The following DIABLO variants were observed in gnomAD, a reference collection of about 807,000 sequenced individuals.
DIABLO encodes the protein diablo homolog, mitochondrial.
A neutral mutation model predicts 31.7 loss-of-function variants in DIABLO; 32 were observed. The observed-to-expected ratio is 1.01, with a 90% CI of 0.76 to 1.35. DIABLO has a LOEUF of 1.35. Among genes scored for constraint, DIABLO ranks in the 40% most tolerant of loss-of-function variants. DIABLO has a pLI of 0.00. For missense variants in DIABLO, 316 were observed against 286.4 expected, an observed-to-expected ratio of 1.10 and a Z score of -0.75; for synonymous variants, 132 against 103.2, an observed-to-expected ratio of 1.28 and a Z score of -1.69.
At chr12:122,225,927 C>T (rs1421535711) in intron 1 of DIABLO, 38 bp downstream of exon 1, 4 of 1,566,834 alleles carry the variant, frequency 2.6e-6, no homozygotes, top group East Asian at 2.4e-5. Context: ...TCGGTCCCTC[C>T]CTCTGGTCCT....
At position 122,207,954 on chromosome 12, in the gene DIABLO, C is replaced by T. The variant is rs1207376711; in HGVS notation, c.*427G>A. On this transcript the variant is annotated 3_prime_UTR_variant, in exon 6 of 6. Transcript: ENST00000464942. ...AATCGTACAAACTGGACAGGTTCCC[C>T]TCCCCCTGCCACAACTGGCATCCCA... The T allele has an allele frequency of 4.3e-6, 2 of 465,346 alleles. No individual in the cohort carries two copies. The highest frequency in any genetic ancestry group is 4.3e-6 in the Non-Finnish European group (1 of 234,932). 28.8% of individuals were successfully genotyped at this position (465,346 alleles called of 1,614,324 possible).
Position 122,216,741 on chromosome 12 carries a change from C to G in DIABLO, c.426+18G>C. On this transcript the variant is annotated intron_variant, in intron 4 of 5. Transcript: ENST00000464942. ...GGTAGGTGCACTAACACAGAAATGC[C>G]TAGAACTTTCTGCTTACCTCAGCTC... The G allele has an allele frequency of 6.2e-7, 1 of 1,610,980 alleles. No individual in the cohort carries two copies. The highest frequency in any genetic ancestry group is 8.5e-7 in the Non-Finnish European group (1 of 1,177,174).
chr12:122,211,328 G>A (rs1954084681), intron 5 of DIABLO, among the ~76,000 whole-genome samples: 1 of 152,058 alleles, frequency 6.6e-6, no homozygotes, highest in African/African-American at 2.4e-5. Context: ...GACCCTGGGA[G>A]GCAGAAGTAA....
At chr12:122,225,771 G>A (rs1954449947) in intron 1 of DIABLO, 194 bp downstream of exon 1, 15 of 1,442,124 alleles carry the variant, frequency 1.0e-5, no homozygotes, top group East Asian at 2.5e-5. Context: ...GAACTGAAAA[G>A]GAAGCCGGGC....
rs1278716539 is a variant in DIABLO at position 122,226,037 on chromosome 12, C to T, written c.-23G>A. The T allele has an allele frequency of 5.6e-6, 9 of 1,597,250 alleles. No homozygotes were observed. Among genetic ancestry groups the T allele is most frequent in the Non-Finnish European group, 7.7e-6 (9 of 1,173,680 alleles). ...CATTGTGCAGCGCGCGGACGCCAGA[C>T]GCACACGCCGGAAGTGACGCAGCTT... On this transcript the variant is annotated 5_prime_UTR_variant, in exon 1 of 6. Transcript: ENST00000464942.
intron 5 of DIABLO, among the ~76,000 whole-genome samples, chr12:122,212,811 G>A (rs1177891267): frequency 6.6e-6 from 1 of 151,510 alleles, no homozygotes; most frequent in Non-Finnish European, 1.5e-5. Flanking sequence ...ATTTTTAGTA[G>A]AGACGGGGTT....
rs137855475 is a variant in DIABLO, at chr12:122,207,901, G to A, written c.*480C>T. 2 of 460,634 alleles carry A rather than the reference G, an allele frequency of 4.3e-6. No homozygotes were observed. Among genetic ancestry groups the A allele is most frequent in the South Asian group, 1.5e-5 (1 of 64,528 alleles). The allele number at this position is 460,634 out of a possible 1,614,324, so 28.5% of individuals were successfully genotyped here. ...CTCACAGGACAGTGGGGGCAGATCAGAGAACACATCAGAAATACATACAAA... is the reference window on the plus strand; with the variant it reads ...CTCACAGGACAGTGGGGGCAGATCAAAGAACACATCAGAAATACATACAAA... On this transcript the variant is annotated 3_prime_UTR_variant, in exon 6 of 6. Coordinates refer to ENST00000464942, the MANE Select transcript of DIABLO (RefSeq NM_001371333.1).
At chr12:122,224,878 G>A in intron 1 of DIABLO, 1 of 1,428,356 alleles carries the variant, frequency 7.0e-7, no homozygotes, top group Non-Finnish European at 9.3e-7. Context: ...CAAGGGCAAG[G>A]CGGGAGGATC....
At chr12:122,222,599 A>C (rs918373006) in intron 2 of DIABLO, 1 of 151,062 alleles carries the variant, frequency 6.6e-6, no homozygotes, top group Non-Finnish European at 1.5e-5. Context: ...AAATTTTTGG[A>C]ATCTAGAGCA....
chr12:122,216,716 G>A, intron 4 of DIABLO, 43 bp downstream of exon 4: 2 of 1,573,186 alleles, frequency 1.3e-6, no homozygotes, highest in Non-Finnish European at 1.8e-6. Flanking sequence ...TACCACATGA[G>A]GTAGGTGCAC....
rs983589642 is a variant in DIABLO, at chr12:122,218,835, C to T, written c.184-438G>A. 14 of 214,526 alleles carry T rather than the reference C, an allele frequency of 6.5e-5. 1 individual carries two copies. Among genetic ancestry groups the T allele is most frequent in the Admixed American group, 2.2e-4 (4 of 18,254 alleles). The allele number at this position is 214,526 out of a possible 1,614,324, so 13.3% of individuals were successfully genotyped here. ...GTGTGCGTCTTTAATCCCAGCTACT[C>T]GGGAGGCTGAGGCAGGAGAATCGAC... On this transcript the variant is annotated intron_variant, in intron 2 of 5. Transcript: ENST00000464942.
intron 1 of DIABLO, chr12:122,225,463 A>C: frequency 9.9e-7 from 1 of 1,008,258 alleles, no homozygotes; most frequent in Non-Finnish European, 1.2e-6. Flanking sequence ...TCCTGCAGGC[A>C]GAATTTAGCT....
chr12:122,225,777 C>G, intron 1 of DIABLO, 188 bp downstream of exon 1: 1 of 1,444,436 alleles, frequency 6.9e-7, no homozygotes, highest in Non-Finnish European at 9.1e-7. Flanking sequence ...AAAAGGAAGC[C>G]GGGCTTGACC....
chr12:122,224,551 A>T lies in DIABLO; in HGVS notation c.144T>A (p.Ile48=). 6.2e-7 allele frequency: 1 copy of T among 1,614,062 alleles called. No individual in the cohort carries two copies. The highest frequency in any genetic ancestry group is 8.5e-7 in the Non-Finnish European group (1 of 1,180,022). ...CCGCACACAGGGTTACTCCAAAGCC[A>T]ATCGTCACAGTTTTGTGCCATGGTC... is the stretch of plus-strand genomic sequence containing the variant. The part of the protein sequence containing the change: ...LIRPWHKTVT[I]GFGVTLCAVP... Residue 48 remains isoleucine, a synonymous_variant, in exon 2 of 6, where the codon ATT becomes ATA. Transcript: ENST00000464942.
At chr12:122,224,380 G>C (rs1483013421) in intron 2 of DIABLO, 132 bp downstream of exon 2, 3 of 1,344,340 alleles carry the variant, frequency 2.2e-6, no homozygotes, top group Non-Finnish European at 3.2e-6. Flanking sequence ...ACTGTGAAAA[G>C]ATGCCGGTAC....
rs1482012964 is a variant in DIABLO at position 122,218,343 on chromosome 12, A to AAGAC, written c.234_237dup (p.Leu80ValfsTer6). ...AAGGTAGAGGTGCTATCTGTTACCA[A>AAGAC]AGACACTGCTCTCCTCATCAATGCT... On this transcript the variant is annotated frameshift_variant, in exon 3 of 6. Coordinates refer to ENST00000464942, the MANE Select transcript of DIABLO (RefSeq NM_001371333.1). LOFTEE classifies it high-confidence loss of function. 6.2e-7 allele frequency: 1 copy of AAGAC among 1,614,042 alleles called. No individual in the cohort carries two copies. Among genetic ancestry groups the AAGAC allele is most frequent in the Non-Finnish European group, 8.5e-7 (1 of 1,180,026 alleles).
intron 2 of DIABLO, chr12:122,221,099 CTGA>C (rs974946344): frequency 7.4e-4 from 112 of 152,294 alleles, no homozygotes; most frequent in African/African-American, 2.6e-3. Flanking sequence ...CCATTATGCT[CTGA>C]TGACTCAGGA....
chr12:122,210,869 T>A (rs1237141140), intron 5 of DIABLO, among the ~76,000 whole-genome samples: 1 of 149,466 alleles, frequency 6.7e-6, no homozygotes, highest in African/African-American at 2.5e-5. Context: ...CAAAACTCTG[T>A]TTCTACTAAA....
rs890603158 is a variant in DIABLO at position 122,214,116 on chromosome 12, C to CA, written c.523+2371dup. Among the ~76,000 whole-genome samples the CA allele has an allele frequency of 4.9e-4, 74 of 151,922 alleles. 1 individual carries two copies. Among genetic ancestry groups the CA allele is most frequent in the Admixed American group, 3.3e-3 (51 of 15,240 alleles). On this transcript the variant is annotated intron_variant, in intron 5 of 5. Transcript: ENST00000464942. ...AAACAAACAAAAAAACTAACAACAACAAAAAAAACCTTCTAAAAGAATTAT... is the reference window on the plus strand; with the variant it reads ...AAACAAACAAAAAAACTAACAACAACAAAAAAAAACCTTCTAAAAGAATTAT...
Sources: gnomAD v4.1 joint callset for allele counts (sites outside exome capture counted in the v4.1 genomes callset) on GRCh38, gnomAD v4.1.1 for gene constraint, MANE v1.5 for transcripts, NCBI Gene and HGNC (gene_info 2026-07-23, HGNC 2026-07-21) for gene names.